Variants in SCN10A observed in about 807,000 individuals in gnomAD.
SCN10A encodes the protein sodium voltage-gated channel alpha subunit 10.
Under a neutral mutation model 170.7 loss-of-function variants are expected in SCN10A, and 162 were observed. That is an observed-to-expected ratio of 0.95 (90% CI 0.84 to 1.08). The LOEUF (loss-of-function observed/expected upper bound fraction) is 1.08, where lower values mean the gene tolerates loss of function less well. Ranked by LOEUF, SCN10A falls within the 50% of genes least tolerant of loss-of-function variation. The probability of loss-of-function intolerance (pLI) is 0.00; values close to 1 mark genes in which losing one functional copy is unlikely to be tolerated. For missense variants in SCN10A, 2,527 were observed against 2,436.9 expected (o/e 1.04, Z -0.78); for synonymous variants, 985 against 904.6 (o/e 1.09, Z -1.59).
rs1207959508 is a variant in SCN10A, at chr3:38,723,446, A to G, written c.3336T>C (p.Asp1112=). The G allele has an allele frequency of 6.2e-7, 1 of 1,614,178 alleles. No individual in the cohort carries two copies. The highest frequency in any genetic ancestry group is 1.7e-5 in the Admixed American group (1 of 60,032). The change falls in exon 19 of 28, where the codon GAT becomes GAC. Residue 1112 remains aspartate (D), a synonymous_variant. Transcript: ENST00000449082. ...TCCCTTCACCTTCTGTGAAGCAGTC[A>G]TCTGGTTCTTCCAGGTCATCTGCCA... ...PELADDLEEP[D]DCFTEGCIRH...
chr3:38,792,256 T>G, intron 2 of SCN10A, 88 bp from the exon 3 acceptor site: 1 of 1,527,638 alleles, frequency 6.5e-7, no homozygotes, highest in Non-Finnish European at 8.9e-7. Context: ...AGGCATTATC[T>G]CAGGCTTATG....
intron 6 of SCN10A, 88 bp downstream of exon 6, chr3:38,763,417 G>T (rs2063897542): frequency 1.9e-6 from 2 of 1,027,890 alleles, no homozygotes; most frequent in African/African-American, 1.6e-5. Context: ...AATAGTCTTT[G>T]CCCTGGAACC....
intron 20 of SCN10A, among the ~76,000 whole-genome samples, chr3:38,721,173 C>A (rs1308142116): frequency 2.0e-5 from 3 of 152,234 alleles, no homozygotes; most frequent in African/African-American, 4.8e-5. Flanking sequence ...TTTTGTCACC[C>A]TTCCTGGACA....
intron 1 of SCN10A, among the ~76,000 whole-genome samples, chr3:38,794,968 T>A (rs9827941): frequency 0.39 from 59,010 of 151,976 alleles, 11,687 homozygotes; most frequent in Middle Eastern, 0.44. Context: ...GAGAGGTATC[T>A]TCCTACATTC....
intron 1 of SCN10A, among the ~76,000 whole-genome samples, chr3:38,800,799 C>A (rs1460472683): frequency 2.0e-5 from 3 of 152,078 alleles, no homozygotes; most frequent in Admixed American, 6.6e-5. Flanking sequence ...TAGATATTTA[C>A]CCTGTTTTTG....
chr3:38,697,929 A>G lies in SCN10A; in HGVS notation c.5291T>C (p.Leu1764Pro), dbSNP rs760775128. The G allele has an allele frequency of 2.5e-6, 4 of 1,614,118 alleles. No homozygotes were observed. The highest frequency in any genetic ancestry group is 3.4e-6 in the Non-Finnish European group (4 of 1,180,032). The change falls in exon 28 of 28, where the codon CTC becomes CCC. Residue 1764 changes from leucine to proline, a missense_variant. Physicochemically the swap from Leu to Pro is moderately conservative, Grantham distance 98. Transcript: ENST00000449082. ...AGAGAGAGTGTCTGCAAAGTCCGAG[A>G]GAGCAGAAAAGGTAATAAACTGAGT... ...EATQFITFSA[L>P]SDFADTLSGP...
chr3:38,699,928 A>G (rs1309518488), intron 27 of SCN10A, among the ~76,000 whole-genome samples: 1 of 152,176 alleles, frequency 6.6e-6, no homozygotes, highest in Non-Finnish European at 1.5e-5. Context: ...TCTATAAGGG[A>G]TTCCTGCCCC....
chr3:38,761,498 A>G (rs2063871709), intron 6 of SCN10A, 115 bp from the exon 7 acceptor site: 5 of 801,918 alleles, frequency 6.2e-6, no homozygotes, highest in East Asian at 2.8e-5. Flanking sequence ...GTATGTACAC[A>G]CTCCAGGGCA....
chr3:38,725,955 C>A (rs1367418259), intron 17 of SCN10A, among the ~76,000 whole-genome samples: 1 of 152,186 alleles, frequency 6.6e-6, no homozygotes, highest in African/African-American at 2.4e-5. Flanking sequence ...CACTTAGTAA[C>A]CTGGCCAGCA....
intron 26 of SCN10A, among the ~76,000 whole-genome samples, chr3:38,703,525 G>C (rs1283459190): frequency 6.6e-6 from 1 of 152,188 alleles, no homozygotes. Flanking sequence ...GACAGAGATT[G>C]TTCTCACTAA....
rs111558766 is a variant in SCN10A, at chr3:38,794,098, C to T, written c.-32-56G>A. On this transcript the variant is annotated intron_variant, in intron 1 of 27. Coordinates refer to ENST00000449082, the MANE Select transcript of SCN10A (RefSeq NM_006514.4). Reference sequence around the variant, plus strand: ...TGACAGCTTGCCCACTGGCCCTGTCCCTCTCATCTGTCCCATCTTGATTGT... The same window carrying T: ...TGACAGCTTGCCCACTGGCCCTGTCTCTCTCATCTGTCCCATCTTGATTGT... The T allele has an allele frequency of 0.017, 20,600 of 1,202,730 alleles. 248 individuals are homozygous for T. Among genetic ancestry groups the T allele is most frequent in the Non-Finnish European group, 0.022 (17,818 of 824,992 alleles). 74.5% of individuals were successfully genotyped at this position (1,202,730 alleles called of 1,614,324 possible). A position where few individuals can be genotyped will look rare whatever the true frequency, so the allele number is the denominator to read the frequency against.
In SCN10A at chr3:38,761,248, C is replaced by T. The variant is rs1251019283; in HGVS notation, c.827G>A (p.Cys276Tyr). The T allele has an allele frequency of 9.9e-6, 16 of 1,613,844 alleles. No homozygotes were observed. Among genetic ancestry groups the T allele is most frequent in the Non-Finnish European group, 1.3e-5 (15 of 1,179,900 alleles). Residue 276 changes from cysteine (C) to tyrosine (Y), a missense_variant, in exon 7 of 28, where the codon TGT becomes TAT. Transcript: ENST00000449082. ...QLFKGNLKNK[C>Y]VKNDMAVNET... Reference sequence around the variant, plus strand: ...ATTGACAGCCATGTCATTCTTGACACATTTATTTTTGAGGTTGCCCTTGAA... The same window carrying T: ...ATTGACAGCCATGTCATTCTTGACATATTTATTTTTGAGGTTGCCCTTGAA...
intron 27 of SCN10A, among the ~76,000 whole-genome samples, chr3:38,699,997 G>T (rs1198099939): frequency 6.6e-6 from 1 of 152,140 alleles, no homozygotes; most frequent in Non-Finnish European, 1.5e-5. Context: ...CCCCATCATA[G>T]AACTAAGTAC....
Position 38,758,217 on chromosome 3 carries a change from C to G in SCN10A, c.951-1058G>C, listed in dbSNP as rs562972646. Among the ~76,000 whole-genome samples, 121 of 152,286 alleles carry G rather than the reference C, an allele frequency of 7.9e-4. 1 individual carries two copies. The highest frequency in any genetic ancestry group is 6.8e-3 in the Middle Eastern group (2 of 294). The stretch of plus-strand genomic sequence containing the variant: ...ATCAGTTCCAAGTCTATCTCCACTT[C>G]GATTGAAGATTGCAAGTTCCCTGGC... On this transcript the variant is annotated intron_variant, in intron 8 of 27. Transcript: ENST00000449082.
At chr3:38,740,101 A>G (rs1269597946) in intron 14 of SCN10A, among the ~76,000 whole-genome samples, 1 of 152,218 alleles carries the variant, frequency 6.6e-6, no homozygotes, top group Non-Finnish European at 1.5e-5. Flanking sequence ...CAAATAATGC[A>G]TCCTTCCTGT....
At chr3:38,720,593 C>A (rs2063379708) in intron 20 of SCN10A, among the ~76,000 whole-genome samples, 1 of 152,030 alleles carries the variant, frequency 6.6e-6, no homozygotes, top group Admixed American at 6.5e-5. Flanking sequence ...TTGGTGCCAG[C>A]CTGTTCAGTC....
Position 38,723,418 on chromosome 3 carries a change from C to G in SCN10A, c.3352+12G>C. 1.2e-6 allele frequency: 2 copies of G among 1,614,032 alleles called. No homozygotes were observed. Among genetic ancestry groups the G allele is most frequent in the Non-Finnish European group, 1.7e-6 (2 of 1,179,876 alleles). ...AACATCAGTGTGAGGGGGCCTGTGG[C>G]TGTCCCTTCACCTTCTGTGAAGCAG... On this transcript the variant is annotated intron_variant, in intron 19 of 27. Transcript: ENST00000449082.
chr3:38,770,043 T>C (rs2063980959), intron 5 of SCN10A, among the ~76,000 whole-genome samples: 1 of 152,210 alleles, frequency 6.6e-6, no homozygotes, highest in African/African-American at 2.4e-5. Context: ...GCTAGTTATG[T>C]TAGCAGTGAA....
At chr3:38,760,564 A>C (rs1046062789) in intron 8 of SCN10A, 117 bp downstream of exon 8, 1 of 818,328 alleles carries the variant, frequency 1.2e-6, no homozygotes, top group Admixed American at 2.1e-5. Flanking sequence ...GCCATGATTT[A>C]TTTATTTATA....
Sources: gnomAD v4.1 joint callset for allele counts (sites outside exome capture counted in the v4.1 genomes callset) on GRCh38, gnomAD v4.1.1 for gene constraint, MANE v1.5 for transcripts, NCBI Gene and HGNC (gene_info 2026-07-23, HGNC 2026-07-21) for gene names.